The following CDH4 variants were observed in gnomAD, a reference collection of about 807,000 sequenced individuals.
The protein encoded by CDH4 is cadherin-4.
Under a neutral mutation model 86.0 loss-of-function variants are expected in CDH4, and 33 were observed. The observed-to-expected ratio is 0.38, with a 90% CI of 0.29 to 0.51. The LOEUF (loss-of-function observed/expected upper bound fraction) is 0.51, where lower values mean the gene tolerates loss of function less well. Among genes scored for constraint, CDH4 ranks in the 20% least tolerant of loss-of-function variants. CDH4 has a pLI of 0.86. For missense variants in CDH4, 1,114 were observed against 1,307.4 expected, an observed-to-expected ratio of 0.85 and a Z score of 2.28; for synonymous variants, 555 against 549.4, an observed-to-expected ratio of 1.01 and a Z score of -0.14.
At chr20:61,594,859 A>G (rs962217365) in intron 2 of CDH4, among the ~76,000 whole-genome samples, 26 of 152,254 alleles carry the variant, frequency 1.7e-4, no homozygotes, top group African/African-American at 5.3e-4. Context: ...GATGACATCA[A>G]TAGCTGATAT....
intron 2 of CDH4, among the ~76,000 whole-genome samples, chr20:61,419,502 A>G (rs1186944780): frequency 6.6e-6 from 1 of 152,190 alleles, no homozygotes; most frequent in Non-Finnish European, 1.5e-5. Context: ...ATCCTGGGGT[A>G]GCTTTCCAGT....
At chr20:61,805,940 G>A (rs1189488244) in intron 4 of CDH4, among the ~76,000 whole-genome samples, 7 of 152,198 alleles carry the variant, frequency 4.6e-5, no homozygotes, top group Non-Finnish European at 8.8e-5. Context: ...TCACTCACTC[G>A]GTGTCCACTG....
At chr20:61,721,584 A>G (rs6121779) in intron 2 of CDH4, among the ~76,000 whole-genome samples, 2,685 of 152,334 alleles carry the variant, frequency 0.018, 73 homozygotes, top group African/African-American at 0.061. Context: ...TTCTTTATCA[A>G]GACTTCATGT....
chr20:61,901,631 G>C (rs967976745), intron 8 of CDH4, among the ~76,000 whole-genome samples: 2 of 152,218 alleles, frequency 1.3e-5, no homozygotes, highest in Non-Finnish European at 2.9e-5. Flanking sequence ...CCTCCAATTA[G>C]ATGCCCTCGT....
At chr20:61,724,652 G>A (rs1209917771) in intron 2 of CDH4, among the ~76,000 whole-genome samples, 1 of 152,230 alleles carries the variant, frequency 6.6e-6, no homozygotes, top group African/African-American at 2.4e-5. Flanking sequence ...CCACTTGGGG[G>A]CAGCAGTCAA....
chr20:61,332,686 C>A (rs1047458561), intron 2 of CDH4, among the ~76,000 whole-genome samples: 1 of 152,254 alleles, frequency 6.6e-6, no homozygotes, highest in Non-Finnish European at 1.5e-5. Context: ...TGGCTGGCTG[C>A]CCTCCTCCCT....
chr20:61,588,053 G>T (rs78158699), intron 2 of CDH4, among the ~76,000 whole-genome samples: 2,727 of 152,290 alleles, frequency 0.018, 47 homozygotes, highest in Middle Eastern at 0.044. Flanking sequence ...CAGCTGTGCA[G>T]AACTTGCTGT....
chr20:61,697,737 GGAGGGACGTCTCCCCA>G (rs2087730448), intron 2 of CDH4, among the ~76,000 whole-genome samples: 2 of 152,304 alleles, frequency 1.3e-5, no homozygotes, highest in South Asian at 4.1e-4. Flanking sequence ...GTATCTCCCC[GGAGGGACGTCTCCCCA>G]GAGGGGTGTC....
chr20:61,926,757 C>T (rs1156306366), intron 11 of CDH4, among the ~76,000 whole-genome samples: 1 of 152,178 alleles, frequency 6.6e-6, no homozygotes, highest in East Asian at 1.9e-4. Flanking sequence ...CCTGTAATCC[C>T]AGCTATTCGG....
chr20:61,548,234 G>T (rs114443490), intron 2 of CDH4, among the ~76,000 whole-genome samples: 2,019 of 152,290 alleles, frequency 0.013, 41 homozygotes, highest in African/African-American at 0.046. Context: ...ACAGTTCCGA[G>T]CAGACGGGTG....
chr20:61,889,029 T>C (rs6061379), intron 7 of CDH4, among the ~76,000 whole-genome samples: 4,419 of 152,316 alleles, frequency 0.029, 202 homozygotes, highest in African/African-American at 0.099. Flanking sequence ...TCACGGCCTC[T>C]GCATTAGCCC....
At chr20:61,720,416 G>C (rs1375268246) in intron 2 of CDH4, among the ~76,000 whole-genome samples, 1 of 148,566 alleles carries the variant, frequency 6.7e-6, no homozygotes, top group African/African-American at 2.5e-5. Context: ...AAGTGTAAGT[G>C]TGTAGGGGTG....
At chr20:61,553,832 T>C (rs867625608) in intron 2 of CDH4, among the ~76,000 whole-genome samples, 94 of 152,368 alleles carry the variant, frequency 6.2e-4, no homozygotes, top group African/African-American at 2.1e-3. Context: ...GCTTGGTAGA[T>C]ATGTGCATCA....
chr20:61,639,775 G>A (rs62197760), intron 2 of CDH4, among the ~76,000 whole-genome samples: 24,299 of 151,924 alleles, frequency 0.16, 2,069 homozygotes, highest in South Asian at 0.28. Flanking sequence ...TGTGAACAGC[G>A]TCTTTATTTC....
At chr20:61,704,012 C>T (rs2087804155) in intron 2 of CDH4, among the ~76,000 whole-genome samples, 1 of 151,914 alleles carries the variant, frequency 6.6e-6, no homozygotes, top group African/African-American at 2.4e-5. Flanking sequence ...GGTGGCTGTG[C>T]CCTGTGGGTC....
chr20:61,337,168 C>T (rs2084621576), intron 2 of CDH4, among the ~76,000 whole-genome samples: 1 of 150,858 alleles, frequency 6.6e-6, no homozygotes, highest in Admixed American at 6.6e-5. Flanking sequence ...GCAGCCACAT[C>T]CCATGGATAC....
chr20:61,904,166 C>T (rs2122903540), intron 8 of CDH4, among the ~76,000 whole-genome samples: 1 of 152,308 alleles, frequency 6.6e-6, no homozygotes, highest in South Asian at 2.1e-4. Flanking sequence ...CGGGAGCCGT[C>T]ATCGGGGCCT....
chr20:61,663,206 G>C lies in CDH4; in HGVS notation c.170-80357G>C, dbSNP rs1332869339. Among the ~76,000 whole-genome samples, 3 of 152,212 alleles carry C rather than the reference G, an allele frequency of 2.0e-5. No individual in the cohort carries two copies. Among genetic ancestry groups the C allele is most frequent in the African/African-American group, 7.2e-5 (3 of 41,444 alleles). Reference sequence around the variant, plus strand: ...CACGCCTCCGTGTGTGGACTGATGAGGTAAACGTTCTGTGACAAAGCCCCT... The same window carrying C: ...CACGCCTCCGTGTGTGGACTGATGACGTAAACGTTCTGTGACAAAGCCCCT... On this transcript the variant is annotated intron_variant, in intron 2 of 15. Coordinates refer to ENST00000614565, the MANE Select transcript of CDH4 (RefSeq NM_001794.5). The surrounding 1 kb of genome is among the most constrained non-coding windows in gnomAD (Gnocchi z 5.0).
At chr20:61,828,780 T>C (rs1478090690) in intron 4 of CDH4, among the ~76,000 whole-genome samples, 2 of 152,238 alleles carry the variant, frequency 1.3e-5, no homozygotes, top group Non-Finnish European at 2.9e-5. Flanking sequence ...GGCATGATTA[T>C]TTTACCTGCC....
Sources: gnomAD v4.1 joint callset for allele counts (sites outside exome capture counted in the v4.1 genomes callset) on GRCh38, gnomAD v4.1.1 for gene constraint, Gnocchi (gnomAD v3.1) non-coding constraint, MANE v1.5 for transcripts, NCBI Gene and HGNC (gene_info 2026-07-23, HGNC 2026-07-21) for gene names.